The following FAM185A variants were observed in gnomAD, a reference collection of about 807,000 sequenced individuals.
FAM185A encodes the protein protein FAM185A.
In FAM185A, 21 loss-of-function variants were observed where a neutral mutation model predicts 45.7. The observed-to-expected ratio is 0.46, with a 90% CI of 0.33 to 0.66. FAM185A has a LOEUF of 0.66. Among genes scored for constraint, FAM185A ranks in the 30% least tolerant of loss-of-function variants. The pLI is 0.03. For synonymous variants in FAM185A, 117 were observed against 194.0 expected (o/e 0.60, Z 3.30); for missense variants, 305 against 485.4 (o/e 0.63, Z 3.49).
intron 3 of FAM185A, among the ~76,000 whole-genome samples, chr7:102,759,061 A>G (rs1290186430): frequency 6.6e-6 from 1 of 152,144 alleles, no homozygotes; most frequent in Non-Finnish European, 1.5e-5. Context: ...AAGTGTTGAA[A>G]GACACTGTGT....
chr7:102,780,089 T>A lies in FAM185A; in HGVS notation c.931+2741T>A, dbSNP rs555296463. 1.7e-3 allele frequency among the ~76,000 whole-genome samples: 253 copies of A among 152,170 alleles called. 1 individual carries two copies. The highest frequency in any genetic ancestry group is 5.6e-3 in the African/African-American group (233 of 41,518). ...AATTTTTTTTTAGAATAGAACAGTTTGTCATGCTTATCTCAAACTTCTAGC... is the reference window on the plus strand; with the variant it reads ...AATTTTTTTTTAGAATAGAACAGTTAGTCATGCTTATCTCAAACTTCTAGC... On this transcript the variant is annotated intron_variant, in intron 6 of 7. Coordinates refer to ENST00000413034, the MANE Select transcript of FAM185A (RefSeq NM_001145268.2).
At chr7:102,775,961 A>G (rs1795029388) in intron 5 of FAM185A, among the ~76,000 whole-genome samples, 1 of 152,140 alleles carries the variant, frequency 6.6e-6, no homozygotes, top group Non-Finnish European at 1.5e-5. Flanking sequence ...GAGTCTGATA[A>G]AGGGCATTTT....
At chr7:102,765,772 C>T (rs1477895306) in intron 4 of FAM185A, among the ~76,000 whole-genome samples, 1 of 151,412 alleles carries the variant, frequency 6.6e-6, no homozygotes, top group Non-Finnish European at 1.5e-5. Flanking sequence ...GTGTGTATGC[C>T]TTCTACTACA....
chr7:102,757,231 TCCTTCAGACCG>T (rs1793802757), intron 2 of FAM185A, among the ~76,000 whole-genome samples: 1 of 151,686 alleles, frequency 6.6e-6, no homozygotes, highest in Admixed American at 6.6e-5. Context: ...GTGTATTCTG[TCCTTCAGACCG>T]GTCCAGCGTT....
the FAM185A span, chr7:102,834,630 T>C: frequency 6.6e-6 from 1 of 151,924 alleles, no homozygotes; most frequent in East Asian, 1.9e-4. Context: ...GCACAGATAC[T>C]AAAATTGGAA....
downstream of FAM185A, among the ~76,000 whole-genome samples, chr7:102,813,834 G>T (rs1797632754): frequency 6.6e-6 from 1 of 152,122 alleles, no homozygotes; most frequent in Non-Finnish European, 1.5e-5. Flanking sequence ...CTTTAAGTAA[G>T]CCCCTTCCTT....
At position 102,749,488 on chromosome 7, in the gene FAM185A, C is replaced by T. The variant is rs1413447303; in HGVS notation, c.281C>T (p.Thr94Ile). ...HLAVRPLDPL[T>I]YPDGDRVLVA... is the part of the protein sequence containing the mutation. ...GCCGTGAGGCCCCTGGACCCCCTCA[C>T]CTACCCGGATGGCGACCGCGTGCTG... Residue 94 changes from threonine to isoleucine, a missense_variant, in exon 1 of 8, where the codon ACC (threonine) becomes ATC (isoleucine). By Grantham distance (89) the Thr-to-Ile change is moderately conservative. Around this residue, in one of 5 missense-constraint regions of FAM185A, gnomAD observed 174 missense variants for 247.1 expected, o/e 0.70. Coordinates refer to ENST00000413034, the MANE Select transcript of FAM185A (RefSeq NM_001145268.2). 1 of 1,539,062 alleles carries T rather than the reference C, an allele frequency of 6.5e-7. No homozygotes were observed. The highest frequency in any genetic ancestry group is 8.8e-7 in the Non-Finnish European group (1 of 1,142,368).
chr7:102,817,324 T>C, the FAM185A span, among the ~76,000 whole-genome samples: 231 of 152,274 alleles, frequency 1.5e-3, no homozygotes, highest in African/African-American at 5.5e-3. Context: ...TGATACTTCA[T>C]TGTGATGGTA....
At chr7:102,813,409 G>T (rs368918406), downstream of FAM185A, 4 of 1,614,136 alleles carry the variant, frequency 2.5e-6, no homozygotes, top group African/African-American at 4.0e-5. Flanking sequence ...TCCTTTAGAT[G>T]ATGTTATGTT....
At chr7:102,776,714 A>AAAAAAG (rs1795091946) in intron 5 of FAM185A, among the ~76,000 whole-genome samples, 3 of 151,342 alleles carry the variant, frequency 2.0e-5, no homozygotes, top group East Asian at 3.9e-4. Flanking sequence ...AAAAAAAAAA[A>AAAAAAG]AAAAAGAAAA....
At chr7:102,820,667 T>G in the FAM185A span, among the ~76,000 whole-genome samples, 5 of 152,156 alleles carry the variant, frequency 3.3e-5, no homozygotes, top group Non-Finnish European at 2.9e-5. Flanking sequence ...GAAAAGAAAT[T>G]TATTGCTCAT....
intron 7 of FAM185A, among the ~76,000 whole-genome samples, chr7:102,797,140 C>A (rs1796479714): frequency 6.6e-6 from 1 of 152,120 alleles, no homozygotes; most frequent in Non-Finnish European, 1.5e-5. Context: ...TTGGGTTACA[C>A]TTTTGTTGAG....
chr7:102,847,336 C>G, the FAM185A span, among the ~76,000 whole-genome samples: 1 of 152,100 alleles, frequency 6.6e-6, no homozygotes, highest in African/African-American at 2.4e-5. Flanking sequence ...ATGTAAGAGG[C>G]AGAATTGGAA....
intron 2 of FAM185A, chr7:102,755,535 C>T: frequency 1.6e-6 from 1 of 623,556 alleles, no homozygotes; most frequent in South Asian, 1.8e-5. Context: ...CATTAAGAGA[C>T]CACCTGTCTT....
chr7:102,825,556 A>G, the FAM185A span, among the ~76,000 whole-genome samples: 1 of 152,202 alleles, frequency 6.6e-6, no homozygotes, highest in Non-Finnish European at 1.5e-5. Context: ...TCTGTTATAC[A>G]CAACAGAAAA....
intron 7 of FAM185A, among the ~76,000 whole-genome samples, chr7:102,799,249 A>G (rs1796628114): frequency 6.6e-6 from 1 of 152,170 alleles, no homozygotes; most frequent in Admixed American, 6.5e-5. Context: ...TAACCAGCTT[A>G]TCAAAGCTAA....
the FAM185A span, among the ~76,000 whole-genome samples, chr7:102,834,298 G>A: frequency 6.7e-6 from 1 of 149,426 alleles, no homozygotes; most frequent in African/African-American, 2.4e-5. Flanking sequence ...GTAAATGGTA[G>A]TTTACCATTA....
intron 5 of FAM185A, among the ~76,000 whole-genome samples, chr7:102,776,702 T>TAAAAAA (rs72022042): frequency 0.073 from 7,059 of 96,398 alleles, 238 homozygotes; most frequent in East Asian, 0.25. Flanking sequence ...ACCCTGTCTC[T>TAAAAAA]AAAAAAAAAA....
At chr7:102,819,793 G>A in the FAM185A span, among the ~76,000 whole-genome samples, 4 of 152,186 alleles carry the variant, frequency 2.6e-5, no homozygotes, top group South Asian at 2.1e-4. Context: ...TAGATAGTGA[G>A]CATAGGTAAG....
Sources: allele counts gnomAD v4.1 joint callset (sites outside exome capture counted in the v4.1 genomes callset), GRCh38; gene constraint gnomAD v4.1.1; regional missense constraint gnomAD v4.1.1; transcripts MANE v1.5; gene names NCBI Gene and HGNC (gene_info 2026-07-23, HGNC 2026-07-21).